The following HDAC9 variants were observed in gnomAD, a reference collection of about 807,000 sequenced individuals.
The protein encoded by HDAC9 is MEF-2 interacting transcription repressor (MITR) protein.
A neutral mutation model predicts 139.4 loss-of-function variants in HDAC9; 41 were observed. The observed-to-expected ratio is 0.29, with a 90% CI of 0.23 to 0.38. The LOEUF is 0.38. Among genes scored for constraint, HDAC9 ranks in the 10% least tolerant of loss-of-function variants. The pLI is 1.00. For missense variants in HDAC9, 1,147 were observed against 1,297.0 expected, an observed-to-expected ratio of 0.88 and a Z score of 1.78; for synonymous variants, 517 against 476.2, an observed-to-expected ratio of 1.09 and a Z score of -1.12.
At chr7:18,247,377 A>C (rs1297212854) in intron 2 of HDAC9, among the ~76,000 whole-genome samples, 1 of 152,030 alleles carries the variant, frequency 6.6e-6, no homozygotes, top group African/African-American at 2.4e-5. Context: ...AAGTAGGAGA[A>C]AAATCATGGG....
chr7:18,978,644 A>G (rs1424211926), intron 25 of HDAC9, among the ~76,000 whole-genome samples: 1 of 152,244 alleles, frequency 6.6e-6, no homozygotes, highest in Non-Finnish European at 1.5e-5. Context: ...AAAGAAAATT[A>G]AATATATACG....
At chr7:18,373,051 G>C (rs2128704178) in intron 1 of HDAC9, among the ~76,000 whole-genome samples, 1 of 152,032 alleles carries the variant, frequency 6.6e-6, no homozygotes, top group East Asian at 1.9e-4. Context: ...CTTTTTACTA[G>C]TATCAATAAA....
chr7:18,634,549 A>G (rs868324505), intron 7 of HDAC9, 78 bp from the exon 8 acceptor site: 34 of 835,634 alleles, frequency 4.1e-5, no homozygotes, highest in Middle Eastern at 2.8e-4. Flanking sequence ...AACATGCCCA[A>G]TGTTACATGT....
chr7:18,157,651 G>A (rs1787306620), intron 1 of HDAC9, among the ~76,000 whole-genome samples: 1 of 152,176 alleles, frequency 6.6e-6, no homozygotes, highest in African/African-American at 2.4e-5. Context: ...AAGAAACAGA[G>A]AAATGAAATA....
rs532292969 is a variant in HDAC9, at chr7:18,860,794, G to A, written c.2685-13684G>A. The stretch of plus-strand genomic sequence containing the variant: ...TTGTCAGCACCCACTGGAACTATAA[G>A]GAAGGGTGTATTTTATTGAGCAATC... On this transcript the variant is annotated intron_variant, in intron 21 of 25. Transcript: ENST00000686413. Among the ~76,000 whole-genome samples the A allele has an allele frequency of 5.2e-4, 79 of 152,168 alleles. 1 individual carries two copies. Among genetic ancestry groups the A allele is most frequent in the Non-Finnish European group, 4.4e-4 (30 of 68,032 alleles).
intron 12 of HDAC9, among the ~76,000 whole-genome samples, chr7:18,671,869 A>G (rs1795695386): frequency 6.6e-6 from 1 of 152,014 alleles, no homozygotes. Flanking sequence ...GAAGATTTTC[A>G]GGGTTCATCC....
intron 25 of HDAC9, among the ~76,000 whole-genome samples, chr7:18,987,070 G>T (rs1351396294): frequency 1.3e-5 from 2 of 152,142 alleles, no homozygotes; most frequent in Non-Finnish European, 2.9e-5. Context: ...TCCTTCTCCT[G>T]CCTAATTGCC....
intron 2 of HDAC9, among the ~76,000 whole-genome samples, chr7:18,563,643 A>T (rs1486694179): frequency 6.6e-6 from 1 of 152,132 alleles, no homozygotes; most frequent in Non-Finnish European, 1.5e-5. Flanking sequence ...CTAGTTATCT[A>T]TTCAAATCAT....
chr7:18,294,452 C>T (rs145961520), intron 1 of HDAC9, among the ~76,000 whole-genome samples: 1 of 152,174 alleles, frequency 6.6e-6, no homozygotes, highest in Non-Finnish European at 1.5e-5. Context: ...AGGATAGTTT[C>T]TCAAATGAAG....
intron 1 of HDAC9, among the ~76,000 whole-genome samples, chr7:18,109,543 A>G (rs1358149133): frequency 6.6e-6 from 1 of 152,186 alleles, no homozygotes; most frequent in African/African-American, 2.4e-5. Flanking sequence ...ACATAGATGG[A>G]TTTCATAGAG....
chr7:18,535,541 A>G (rs925946136), intron 2 of HDAC9, among the ~76,000 whole-genome samples: 2 of 151,814 alleles, frequency 1.3e-5, no homozygotes, highest in Admixed American at 6.6e-5. Context: ...GATGATCTCT[A>G]TTATATCTAC....
intron 13 of HDAC9, among the ~76,000 whole-genome samples, chr7:18,741,881 A>G (rs775467371): frequency 2.6e-5 from 4 of 152,234 alleles, no homozygotes; most frequent in Non-Finnish European, 5.9e-5. Context: ...CAATGGAGGA[A>G]CTAACTGCAG....
In HDAC9 at chr7:18,992,852, A is replaced by G. The variant is rs561833159; in HGVS notation, c.3171-3171A>G. 4.6e-5 allele frequency among the ~76,000 whole-genome samples: 7 copies of G among 152,328 alleles called. No homozygotes were observed. The South Asian group carries it at 8.3e-4, about 18-fold the overall frequency. ...TGCTGGAGGGAAGCTTATGTCTTTCAATTCGTTAAACCATTATACTAAAAT... is the reference window on the plus strand; with the variant it reads ...TGCTGGAGGGAAGCTTATGTCTTTCGATTCGTTAAACCATTATACTAAAAT... On this transcript the variant is annotated intron_variant, in intron 25 of 25. Coordinates refer to ENST00000686413, the MANE Select transcript of HDAC9 (RefSeq NM_178425.4).
At chr7:18,632,840 A>T (rs1357207564) in intron 7 of HDAC9, among the ~76,000 whole-genome samples, 1 of 152,188 alleles carries the variant, frequency 6.6e-6, no homozygotes, top group East Asian at 1.9e-4. Context: ...AGATGGAGAG[A>T]TAGTGTAAAG....
At chr7:18,257,433 ACAC>A (rs1562802084) in intron 2 of HDAC9, among the ~76,000 whole-genome samples, 5 of 150,312 alleles carry the variant, frequency 3.3e-5, no homozygotes, top group African/African-American at 1.2e-4. Context: ...ACACACACAC[ACAC>A]AAAAAGAAAA....
chr7:18,429,087 A>C (rs1232194993), intron 1 of HDAC9: 1 of 152,068 alleles, frequency 6.6e-6, no homozygotes, highest in African/African-American at 2.4e-5. Context: ...TGCTTTCTCC[A>C]CAGTCCTTAT....
chr7:18,487,705 T>C (rs1796074814), intron 1 of HDAC9, among the ~76,000 whole-genome samples: 1 of 152,082 alleles, frequency 6.6e-6, no homozygotes, highest in African/African-American at 2.4e-5. Context: ...TTAGATCGAA[T>C]TATGAAGTCA....
intron 1 of HDAC9, among the ~76,000 whole-genome samples, chr7:18,374,140 C>T (rs1005354923): frequency 2.7e-5 from 4 of 146,516 alleles, no homozygotes; most frequent in African/African-American, 1.0e-4. Flanking sequence ...ATAGCTTAAC[C>T]GTATCATATA....
chr7:18,692,478 A>C (rs1454177994), intron 12 of HDAC9, among the ~76,000 whole-genome samples: 1 of 152,156 alleles, frequency 6.6e-6, no homozygotes, highest in Non-Finnish European at 1.5e-5. Context: ...TTAACTCCTC[A>C]TATCTCAGAC....
Sources: gnomAD v4.1 joint callset for allele counts (sites outside exome capture counted in the v4.1 genomes callset) on GRCh38, gnomAD v4.1.1 for gene constraint, MANE v1.5 for transcripts, NCBI Gene and HGNC (gene_info 2026-07-23, HGNC 2026-07-21) for gene names.